Variants in SLC26A3 observed in about 807,000 individuals in gnomAD.
SLC26A3 encodes chloride anion exchanger.
A neutral mutation model predicts 85.6 loss-of-function variants in SLC26A3; 64 were observed. That is an observed-to-expected ratio of 0.75 (90% CI 0.61 to 0.92). The LOEUF is 0.92. Among genes scored for constraint, SLC26A3 ranks in the 40% least tolerant of loss-of-function variants. The pLI is 0.00. For synonymous variants in SLC26A3, 349 were observed against 336.0 expected, an observed-to-expected ratio of 1.04 and a Z score of -0.42; for missense variants, 922 against 927.3, an observed-to-expected ratio of 0.99 and a Z score of 0.07.
chr7:107,770,869 G>A (rs936359581), intron 18 of SLC26A3, among the ~76,000 whole-genome samples: 98 of 152,278 alleles, frequency 6.4e-4, no homozygotes, highest in Non-Finnish European at 1.1e-3. Context: ...TATGTGATAC[G>A]TGCGTACTCT....
At chr7:107,777,567 G>C (rs1794138562) in intron 13 of SLC26A3, among the ~76,000 whole-genome samples, 1 of 152,114 alleles carries the variant, frequency 6.6e-6, no homozygotes, top group African/African-American at 2.4e-5. Context: ...TCCGGCCTGG[G>C]CGACAAGAGC....
At chr7:107,780,631 G>A (rs964086494) in intron 11 of SLC26A3, among the ~76,000 whole-genome samples, 10 of 152,114 alleles carry the variant, frequency 6.6e-5, no homozygotes, top group Admixed American at 2.6e-4. Context: ...GCCAAATACA[G>A]TTTTTATTTT....
At chr7:107,772,302 G>A (rs1477948239) in intron 17 of SLC26A3, among the ~76,000 whole-genome samples, 194 bp from the exon 18 acceptor site, 1 of 152,060 alleles carries the variant, frequency 6.6e-6, no homozygotes, top group Non-Finnish European at 1.5e-5. Flanking sequence ...CCAAACAAAA[G>A]AACCCTTCTC....
chr7:107,794,888 C>G (rs1794471107), intron 1 of SLC26A3, among the ~76,000 whole-genome samples: 1 of 152,182 alleles, frequency 6.6e-6, no homozygotes, highest in Admixed American at 6.6e-5. Context: ...ATATTCTCAT[C>G]AACTTTTTTT....
At chr7:107,781,770 C>T (rs1267322680) in intron 11 of SLC26A3, among the ~76,000 whole-genome samples, 2 of 152,004 alleles carry the variant, frequency 1.3e-5, no homozygotes, top group South Asian at 2.1e-4. Flanking sequence ...CCACAGTCAC[C>T]GTTCGGCTAC....
intron 8 of SLC26A3, among the ~76,000 whole-genome samples, chr7:107,785,501 T>C (rs1380720323): frequency 6.6e-6 from 1 of 152,218 alleles, no homozygotes; most frequent in African/African-American, 2.4e-5. Context: ...ATCTTAAGTT[T>C]ATCTTTTATT....
rs117251125 is a variant in SLC26A3 at position 107,802,710 on chromosome 7, C to T, written c.-89+401G>A. ...TGAATCCTTTCTAGTAGGTGATTCT[C>T]TCTCCTGGAGAAACTCTTTCCTTAA... is the stretch of plus-strand genomic sequence containing the variant. On this transcript the variant is annotated intron_variant, in intron 1 of 20. Transcript: ENST00000340010. Among the ~76,000 whole-genome samples the T allele has an allele frequency of 6.7e-5, 10 of 148,816 alleles. No homozygotes were observed. The East Asian group carries it at 2.0e-3, about 29-fold the overall frequency.
Position 107,774,252 on chromosome 7 carries a change from A to G in SLC26A3, c.1774-99T>C, listed in dbSNP as rs982621020. The G allele has an allele frequency of 5.2e-6, 5 of 967,812 alleles. No individual in the cohort carries two copies. The African/African-American group carries it at 8.0e-5, about 15-fold the overall frequency. The allele number at this position is 967,812 out of a possible 1,614,324, so 60.0% of individuals were successfully genotyped here. On this transcript the variant is annotated intron_variant, in intron 16 of 20. Coordinates refer to ENST00000340010, the MANE Select transcript of SLC26A3 (RefSeq NM_000111.3). ...TTTCAGAAGCACTGATTCTGAGTTGAGCCAAACGATGGGATTGGACTAGGT... is the reference window on the plus strand; with the variant it reads ...TTTCAGAAGCACTGATTCTGAGTTGGGCCAAACGATGGGATTGGACTAGGT...
At chr7:107,770,102 G>T (rs544681858) in intron 18 of SLC26A3, among the ~76,000 whole-genome samples, 22 of 55,260 alleles carry the variant, frequency 4.0e-4, no homozygotes, top group East Asian at 5.3e-4. Flanking sequence ...TTCTTATTTC[G>T]TCTTTCTTCT....
chr7:107,768,560 A>C (rs1247376746), intron 18 of SLC26A3, among the ~76,000 whole-genome samples: 1 of 152,234 alleles, frequency 6.6e-6, no homozygotes, highest in South Asian at 2.1e-4. Context: ...TAGAACATTT[A>C]TATATTCCTG....
chr7:107,781,477 A>G (rs1329417948), intron 11 of SLC26A3, among the ~76,000 whole-genome samples: 1 of 152,170 alleles, frequency 6.6e-6, no homozygotes, highest in Non-Finnish European at 1.5e-5. Context: ...CTCCAAATTG[A>G]TGTGGGCTAG....
chr7:107,776,312 C>T (rs757866787), intron 15 of SLC26A3, 140 bp downstream of exon 15: 131 of 741,960 alleles, frequency 1.8e-4, no homozygotes, highest in Non-Finnish European at 2.8e-4. Context: ...TGTTCTGGGA[C>T]GTGGGACAAA....
intron 17 of SLC26A3, 44 bp downstream of exon 17, chr7:107,773,876 T>G (rs1382887243): frequency 2.0e-6 from 3 of 1,501,226 alleles, no homozygotes; most frequent in Non-Finnish European, 9.2e-7. Flanking sequence ...TTTTTTAACC[T>G]TTAGTCATTG....
chr7:107,773,620 G>A (rs1251988822), intron 17 of SLC26A3, among the ~76,000 whole-genome samples: 4 of 152,104 alleles, frequency 2.6e-5, no homozygotes, highest in East Asian at 1.9e-4. Flanking sequence ...GTGCAATTTC[G>A]GCTCACTGCA....
intron 1 of SLC26A3, among the ~76,000 whole-genome samples, chr7:107,800,443 T>G (rs1450235185): frequency 1.3e-5 from 2 of 152,248 alleles, no homozygotes; most frequent in Non-Finnish European, 2.9e-5. Context: ...CTAACACAGT[T>G]GTAGAAGATA....
rs368475574 is a variant in SLC26A3, at chr7:107,783,112, T to A, written c.1120-19A>T. 3.1e-6 allele frequency: 5 copies of A among 1,613,562 alleles called. No homozygotes were observed. The South Asian group carries it at 5.5e-5, about 18-fold the overall frequency. On this transcript the variant is annotated intron_variant, in intron 9 of 20. Transcript: ENST00000340010. ...TTAACTCCTGACAGGAAGACAAGAA[T>A]GAACCTTTTTCAGAAGTGGCACCAT...
At chr7:107,794,710 G>A (rs1191689337) in intron 1 of SLC26A3, 113 bp from the exon 2 acceptor site, 2 of 599,506 alleles carry the variant, frequency 3.3e-6, no homozygotes, top group Admixed American at 2.6e-5. Flanking sequence ...AAAAAGGCAG[G>A]ATTAAGGGAC....
At chr7:107,768,733 T>C (rs983411001) in intron 18 of SLC26A3, among the ~76,000 whole-genome samples, 1 of 152,222 alleles carries the variant, frequency 6.6e-6, no homozygotes, top group Non-Finnish European at 1.5e-5. Flanking sequence ...CTATGAAAAT[T>C]CTGAGAAATT....
chr7:107,780,839 A>C (rs1794205155), intron 11 of SLC26A3, among the ~76,000 whole-genome samples: 1 of 152,214 alleles, frequency 6.6e-6, no homozygotes. Context: ...AATTGAATAA[A>C]GTCTGTAATC....
Sources: gnomAD v4.1 joint callset for allele counts (sites outside exome capture counted in the v4.1 genomes callset) on GRCh38, gnomAD v4.1.1 for gene constraint, MANE v1.5 for transcripts, NCBI Gene and HGNC (gene_info 2026-07-23, HGNC 2026-07-21) for gene names.